Variants in PTPRG observed in about 807,000 individuals in gnomAD.
PTPRG encodes the protein receptor-type tyrosine-protein phosphatase gamma.
Under a neutral mutation model 165.3 loss-of-function variants are expected in PTPRG, and 102 were observed. The ratio of observed to expected loss-of-function variants is 0.62; its 90% CI spans 0.53 to 0.73. The LOEUF (loss-of-function observed/expected upper bound fraction) is 0.73, where lower values mean the gene tolerates loss of function less well. PTPRG is among the 30% of genes least tolerant of loss of function. The pLI is 0.00. For missense variants in PTPRG, 1,866 were observed against 1,861.4 expected (o/e 1.00, Z -0.05); for synonymous variants, 675 against 669.5 (o/e 1.01, Z -0.13).
chr3:62,004,815 G>T (rs1360090388), intron 4 of PTPRG, among the ~76,000 whole-genome samples: 1 of 152,192 alleles, frequency 6.6e-6, no homozygotes, highest in Non-Finnish European at 1.5e-5. Flanking sequence ...GTTTTCAACT[G>T]TTAGAATTTC....
intron 2 of PTPRG, among the ~76,000 whole-genome samples, chr3:61,851,390 GA>G (rs1375460859): frequency 2.0e-5 from 3 of 152,080 alleles, no homozygotes; most frequent in Non-Finnish European, 4.4e-5. Context: ...ATCTAGTTGG[GA>G]AACATATTAA....
chr3:62,126,482 A>G (rs1429471218), intron 5 of PTPRG, among the ~76,000 whole-genome samples: 1 of 152,206 alleles, frequency 6.6e-6, no homozygotes, highest in Non-Finnish European at 1.5e-5. Flanking sequence ...TTGTTTTCAT[A>G]TTAATCCCTT....
At chr3:62,077,914 C>T (rs1162658023) in intron 4 of PTPRG, among the ~76,000 whole-genome samples, 2 of 150,610 alleles carry the variant, frequency 1.3e-5, no homozygotes, top group African/African-American at 4.9e-5. Context: ...AGGAGAATCG[C>T]TTGAACCTGG....
intron 2 of PTPRG, among the ~76,000 whole-genome samples, chr3:61,891,486 C>T (rs2038212802): frequency 6.6e-6 from 1 of 152,176 alleles, no homozygotes; most frequent in African/African-American, 2.4e-5. Flanking sequence ...CATGGAAACA[C>T]ATCTCTACAG....
chr3:62,281,768 A>C, intron 27 of PTPRG, 59 bp downstream of exon 27: 2 of 1,449,904 alleles, frequency 1.4e-6, no homozygotes, highest in Non-Finnish European at 1.9e-6. Context: ...TCATCATTCT[A>C]AGTAATAATG....
chr3:61,582,151 A>G (rs765251595), intron 1 of PTPRG, among the ~76,000 whole-genome samples: 1 of 151,652 alleles, frequency 6.6e-6, no homozygotes, highest in Non-Finnish European at 1.5e-5. Context: ...TATTTTTTGT[A>G]GAGACAGGGT....
At position 61,903,535 on chromosome 3, in the gene PTPRG, G is replaced by A. The variant is rs2038556308; in HGVS notation, c.191-86090G>A. On this transcript the variant is annotated intron_variant, in intron 2 of 29. Coordinates refer to ENST00000474889, the MANE Select transcript of PTPRG (RefSeq NM_002841.4). ...ATTACAGGTGCCTACCACTAAGCCT[G>A]GCTAATTTTTGTATGTTTAGTAGAG... Among the ~76,000 whole-genome samples, 9 of 152,180 alleles carry A rather than the reference G, an allele frequency of 5.9e-5. No individual in the cohort carries two copies. In the South Asian group the frequency reaches 1.9e-3, roughly 32 times the overall value.
At chr3:62,057,309 T>C (rs1034012325) in intron 4 of PTPRG, among the ~76,000 whole-genome samples, 10 of 152,102 alleles carry the variant, frequency 6.6e-5, no homozygotes, top group Non-Finnish European at 1.3e-4. Flanking sequence ...ACTTAAGACT[T>C]ACCCACATCC....
At chr3:61,920,483 C>T (rs1263461090) in intron 2 of PTPRG, among the ~76,000 whole-genome samples, 4 of 152,154 alleles carry the variant, frequency 2.6e-5, no homozygotes, top group South Asian at 2.1e-4. Context: ...GCAAACTCCA[C>T]CTCCCGGGTT....
intron 15 of PTPRG, among the ~76,000 whole-genome samples, chr3:62,248,634 C>G (rs1053450859): frequency 3.3e-5 from 5 of 152,098 alleles, no homozygotes; most frequent in African/African-American, 1.2e-4. Context: ...TTCTTTTAGG[C>G]TTTCATTATA....
chr3:62,293,268 T>C lies in PTPRG; in HGVS notation c.4299T>C (p.Asp1433=), dbSNP rs779666926. 2 of 1,609,778 alleles carry C rather than the reference T, an allele frequency of 1.2e-6. No homozygotes were observed. The highest frequency in any genetic ancestry group is 1.7e-6 in the Non-Finnish European group (2 of 1,178,574). Residue 1433 remains aspartate, a synonymous_variant, in exon 30 of 30, where the codon GAT becomes GAC. Coordinates refer to ENST00000474889, the MANE Select transcript of PTPRG (RefSeq NM_002841.4). The stretch of plus-strand genomic sequence containing the variant: ...AAAATGGTGCTGTTCTTATTGCAGA[T>C]GAATCAGACCCTGCTGAGAGCATGG... ...VDKNGAVLIA[D]ESDPAESMES...
At chr3:62,101,792 A>G (rs1296240370) in intron 5 of PTPRG, among the ~76,000 whole-genome samples, 2 of 152,244 alleles carry the variant, frequency 1.3e-5, no homozygotes, top group East Asian at 1.9e-4. Flanking sequence ...AGCAAAAATA[A>G]TGAACTATTT....
chr3:61,971,726 T>C (rs1575836776), intron 2 of PTPRG, among the ~76,000 whole-genome samples: 1 of 152,372 alleles, frequency 6.6e-6, no homozygotes, highest in African/African-American at 2.4e-5. Context: ...TGAAACTAGA[T>C]TGTAGTGATG....
At chr3:61,677,329 C>T (rs1703269704) in intron 1 of PTPRG, among the ~76,000 whole-genome samples, 1 of 151,902 alleles carries the variant, frequency 6.6e-6, no homozygotes, top group African/African-American at 2.4e-5. Context: ...CTGGCACCTA[C>T]CTTAAACAAC....
chr3:62,046,509 G>A (rs951565473), intron 4 of PTPRG, among the ~76,000 whole-genome samples: 1 of 152,166 alleles, frequency 6.6e-6, no homozygotes, highest in African/African-American at 2.4e-5. Context: ...TCCCAAGTCT[G>A]ATAGGGCTTC....
chr3:61,580,607 T>A (rs1700270014), intron 1 of PTPRG, among the ~76,000 whole-genome samples: 1 of 152,168 alleles, frequency 6.6e-6, no homozygotes, highest in African/African-American at 2.4e-5. Context: ...AGTGCTGGGA[T>A]TATAGGCGTG....
chr3:62,168,201 C>T (rs1483769152), intron 8 of PTPRG, 38 bp downstream of exon 8: 1 of 1,533,584 alleles, frequency 6.5e-7, no homozygotes. Flanking sequence ...GAGGAAGATT[C>T]CTTATCATAA....
At chr3:62,207,715 T>A (rs1027699027) in intron 12 of PTPRG, among the ~76,000 whole-genome samples, 5 of 152,198 alleles carry the variant, frequency 3.3e-5, no homozygotes, top group Admixed American at 2.6e-4. Context: ...TCATAACATA[T>A]TTTTAAGTCC....
Position 62,214,102 on chromosome 3 carries a change from A to G in PTPRG, c.2156-4749A>G, listed in dbSNP as rs1700434768. Among the ~76,000 whole-genome samples, 1 of 152,190 alleles carries G rather than the reference A, an allele frequency of 6.6e-6. No homozygotes were observed. The highest frequency in any genetic ancestry group is 1.5e-5 in the Non-Finnish European group (1 of 68,034). ...GGGCAAACTGAGATTCTAGCTCTTTACCAGCAATCTCATCATAGGCAGCCC... is the reference window on the plus strand; with the variant it reads ...GGGCAAACTGAGATTCTAGCTCTTTGCCAGCAATCTCATCATAGGCAGCCC... On this transcript the variant is annotated intron_variant, in intron 12 of 29. Transcript: ENST00000474889. The surrounding 1 kb of genome is among the most constrained non-coding windows in gnomAD (Gnocchi z 5.2).
Sources: gnomAD v4.1 joint callset for allele counts (sites outside exome capture counted in the v4.1 genomes callset) on GRCh38, gnomAD v4.1.1 for gene constraint, Gnocchi (gnomAD v3.1) non-coding constraint, MANE v1.5 for transcripts, NCBI Gene and HGNC (gene_info 2026-07-23, HGNC 2026-07-21) for gene names.